M6PR: variants seen among roughly 807,000 people sequenced by gnomAD.
M6PR encodes the protein cation-dependent mannose-6-phosphate receptor.
Under a neutral mutation model 33.1 loss-of-function variants are expected in M6PR, and 19 were observed. That is an observed-to-expected ratio of 0.57 (90% CI 0.40 to 0.84). The LOEUF (loss-of-function observed/expected upper bound fraction) is 0.84. Among genes scored for constraint, M6PR ranks in the 40% least tolerant of loss-of-function variants. M6PR has a pLI of 0.00. For synonymous variants in M6PR, 111 were observed against 123.4 expected (o/e 0.90, Z 0.67); for missense variants, 295 against 336.0 (o/e 0.88, Z 0.95).
chr12:8,941,625 G>T lies in M6PR; in HGVS notation c.*193C>A, dbSNP rs1946009946. 1 of 628,796 alleles carries T rather than the reference G, an allele frequency of 1.6e-6. No homozygotes were observed. The highest frequency in any genetic ancestry group is 2.7e-6 in the Non-Finnish European group (1 of 367,992). 39.0% of individuals were successfully genotyped at this position (628,796 alleles called of 1,614,324 possible). A position where few individuals can be genotyped will look rare whatever the true frequency, so the allele number is the denominator to read the frequency against. On this transcript the variant is annotated 3_prime_UTR_variant, in exon 7 of 7. Transcript: ENST00000000412. ...TCTGACTTACAACTGTACCTCTCTA[G>T]AGAAAAAACAGAAAATAAGGAACAA...
intron 1 of M6PR, among the ~76,000 whole-genome samples, chr12:8,947,123 G>T (rs912751410): frequency 6.6e-6 from 1 of 152,108 alleles, no homozygotes; most frequent in Non-Finnish European, 1.5e-5. Context: ...TTTATTCCAA[G>T]AGTATCACGG....
rs746816603 is a variant in M6PR at position 8,943,918 on chromosome 12, G to A, written c.344-8C>T. On this transcript the variant is annotated splice_region_variant and splice_polypyrimidine_tract_variant and intron_variant, in intron 3 of 6. Transcript: ENST00000000412. ...TCAGCATGATCCAATTACCTGAGGA[G>A]GGACAAGGAAAATGGAGCTATGGGG... 1 of 1,590,202 alleles carries A rather than the reference G, an allele frequency of 6.3e-7. No homozygotes were observed. Among genetic ancestry groups the A allele is most frequent in the Admixed American group, 1.7e-5 (1 of 59,984 alleles).
rs376340278 is a variant in M6PR at position 8,941,935 on chromosome 12, G to A, written c.717C>T (p.Gly239=). The A allele has an allele frequency of 8.5e-5, 137 of 1,614,016 alleles. 1 individual carries two copies. The highest frequency in any genetic ancestry group is 6.1e-5 in the Non-Finnish European group (72 of 1,180,006). Residue 239 remains glycine (G), a synonymous_variant, in exon 7 of 7, where the codon GGC becomes GGT. Transcript: ENST00000000412. ...WQDLGNLVAD[G]CDFVCRSKPR... is the part of the protein sequence containing the mutation. ...GTTTAGAACGGCAGACAAAGTCACAGCCATCCTGTAGGGGGAAAAAAAAGA... is the reference window on the plus strand; with the variant it reads ...GTTTAGAACGGCAGACAAAGTCACAACCATCCTGTAGGGGGAAAAAAAAGA...
chr12:8,943,355 TAAAA>T, intron 5 of M6PR, 46 bp downstream of exon 5: 1 of 1,610,160 alleles, frequency 6.2e-7, no homozygotes. Flanking sequence ...TTACTGACCT[TAAAA>T]ACAAAAGGAA....
chr12:8,942,343 GA>G (rs1946026956), intron 6 of M6PR, 72 bp downstream of exon 6: 1 of 1,606,192 alleles, frequency 6.2e-7, no homozygotes, highest in African/African-American at 1.3e-5. Flanking sequence ...CCCTCAGTGT[GA>G]ACAAACGAGG....
In M6PR at chr12:8,946,357, G is replaced by C; in HGVS notation, c.48C>G (p.Leu16=). Residue 16 remains leucine, a synonymous_variant, in exon 2 of 7, where the codon CTC becomes CTG. Coordinates refer to ENST00000000412, the MANE Select transcript of M6PR (RefSeq NM_002355.4). ...AGGATTCTCTCACTGCCACAGCCAG[G>C]AGTAGTAGTAGCAGTCCAGTCCTCC... The part of the protein sequence containing the change: ...SCWRTGLLLL[L]LAVAVRESWQ... The C allele has an allele frequency of 6.2e-7, 1 of 1,614,068 alleles. No individual in the cohort carries two copies.
chr12:8,942,134 C>T, intron 6 of M6PR, 194 bp from the exon 7 acceptor site: 1 of 703,258 alleles, frequency 1.4e-6, no homozygotes, highest in Non-Finnish European at 2.3e-6. Flanking sequence ...TTAGGCCTCA[C>T]CTTCTTCCCA....
chr12:8,942,631 T>C (rs1946034103), intron 5 of M6PR, 89 bp from the exon 6 acceptor site: 2 of 1,359,988 alleles, frequency 1.5e-6, no homozygotes, highest in Admixed American at 4.1e-5. Context: ...GTCAGCTGTT[T>C]CCTAAGATAC....
intron 3 of M6PR, chr12:8,945,153 G>A (rs1946076254): frequency 9.2e-6 from 3 of 325,672 alleles, no homozygotes; most frequent in South Asian, 3.7e-5. Flanking sequence ...GAGAGACTCC[G>A]TCTCAAAACA....
At chr12:8,943,343 A>T in intron 5 of M6PR, 62 bp downstream of exon 5, 1 of 1,592,650 alleles carries the variant, frequency 6.3e-7, no homozygotes, top group South Asian at 1.1e-5. Flanking sequence ...ACCACCATAT[A>T]GTTACTGACC....
At chr12:8,943,311 C>CAT in intron 5 of M6PR, 94 bp downstream of exon 5, 1 of 1,413,702 alleles carries the variant, frequency 7.1e-7, no homozygotes, top group Non-Finnish European at 9.8e-7. Context: ...GCATAATGTA[C>CAT]ACATACAATT....
intron 3 of M6PR, 26 bp downstream of exon 3, chr12:8,945,392 G>T: frequency 6.2e-7 from 1 of 1,612,426 alleles, no homozygotes; most frequent in South Asian, 1.1e-5. Context: ...TTAGTCAATC[G>T]ATGGTAGGAA....
chr12:8,942,951 ATTTTTTTT>A (rs139521214), intron 5 of M6PR, among the ~76,000 whole-genome samples: 2 of 142,832 alleles, frequency 1.4e-5, no homozygotes, highest in African/African-American at 5.3e-5. Flanking sequence ...TGCAGTCAGA[ATTTTTTTT>A]TTTTTTTTTT....
intron 1 of M6PR, 106 bp from the exon 2 acceptor site, chr12:8,946,511 G>T: frequency 1.2e-6 from 1 of 842,176 alleles, no homozygotes; most frequent in Non-Finnish European, 1.9e-6. Flanking sequence ...TAATTATCCA[G>T]AAAGTACAAG....
chr12:8,944,013 A>G (rs1328586908), intron 3 of M6PR, 103 bp from the exon 4 acceptor site: 6 of 767,090 alleles, frequency 7.8e-6, no homozygotes, highest in Non-Finnish European at 1.4e-5. Context: ...GCAATTGGTT[A>G]TAACTAAACA....
chr12:8,946,937 T>C (rs1805761), intron 1 of M6PR: 58,861 of 152,152 alleles, frequency 0.39, 12,057 homozygotes, highest in Middle Eastern at 0.47. Context: ...GACAGCTCTC[T>C]TTCCCAAACT....
Position 8,943,817 on chromosome 12 carries a change from T to C in M6PR, c.437A>G (p.Asn146Ser), listed in dbSNP as rs1946059724. Residue 146 changes from asparagine to serine, a missense_variant, in exon 4 of 7, where the codon AAT becomes AGT. Physicochemically the swap from Asn to Ser is conservative, Grantham distance 46. Transcript: ENST00000000412. ...QRRAVVMISC[N>S]RHTLADNFNP... ...GTGCCTCACCGCTAGGGTGTGTCGATTGCAGGAGATCATCACCACTGCACG... is the reference window on the plus strand; with the variant it reads ...GTGCCTCACCGCTAGGGTGTGTCGACTGCAGGAGATCATCACCACTGCACG... 3.1e-6 allele frequency: 5 copies of C among 1,612,624 alleles called. No individual in the cohort carries two copies. Among genetic ancestry groups the C allele is most frequent in the African/African-American group, 1.3e-5 (1 of 74,866 alleles).
Position 8,945,449 on chromosome 12 carries a change from C to T in M6PR, c.312G>A (p.Gly104=). 1 of 1,614,014 alleles carries T rather than the reference C, an allele frequency of 6.2e-7. No individual in the cohort carries two copies. Among genetic ancestry groups the T allele is most frequent in the Non-Finnish European group, 8.5e-7 (1 of 1,179,996 alleles). ...TGAAGATGTGAGTCTCGTTGAGTCTCCCTACCACTGTCTCCTTCCCATTAC... is the reference window on the plus strand; with the variant it reads ...TGAAGATGTGAGTCTCGTTGAGTCTTCCTACCACTGTCTCCTTCCCATTAC... The part of the protein sequence containing the change: ...NKSNGKETVV[G]RLNETHIFNG... Residue 104 remains glycine (G), a synonymous_variant, in exon 3 of 7, where the codon GGG becomes GGA. Transcript: ENST00000000412.
At chr12:8,946,585 G>T in intron 1 of M6PR, 180 bp from the exon 2 acceptor site, 1 of 516,466 alleles carries the variant, frequency 1.9e-6, no homozygotes, top group Non-Finnish European at 3.4e-6. Context: ...ATCTGCAGCA[G>T]AAAATTCATT....
Sources: allele counts gnomAD v4.1 joint callset (sites outside exome capture counted in the v4.1 genomes callset), GRCh38; gene constraint gnomAD v4.1.1; transcripts MANE v1.5; gene names NCBI Gene and HGNC (gene_info 2026-07-23, HGNC 2026-07-21).